Variants in TEK observed in about 807,000 individuals in gnomAD.
The protein encoded by TEK is angiopoietin-1 receptor.
A neutral mutation model predicts 131.8 loss-of-function variants in TEK; 43 were observed. The ratio of observed to expected loss-of-function variants is 0.33; its 90% CI spans 0.26 to 0.42. The LOEUF (loss-of-function observed/expected upper bound fraction) is 0.42. Among genes scored for constraint, TEK ranks in the 10% least tolerant of loss-of-function variants. The pLI, the probability that TEK is intolerant of heterozygous loss-of-function variation, is 1.00. For synonymous variants in TEK, 580 were observed against 491.6 expected (o/e 1.18, Z -2.38); for missense variants, 1,162 against 1,384.4 (o/e 0.84, Z 2.55).
At chr9:27,171,675 C>T (rs1461631997) in intron 4 of TEK, among the ~76,000 whole-genome samples, 1 of 152,120 alleles carries the variant, frequency 6.6e-6, no homozygotes, top group Non-Finnish European at 1.5e-5. Context: ...GACTACTGTG[C>T]TTGACTTCTA....
chr9:27,129,415 C>T (rs1433610053), intron 1 of TEK, among the ~76,000 whole-genome samples: 1 of 152,158 alleles, frequency 6.6e-6, no homozygotes, highest in Non-Finnish European at 1.5e-5. Flanking sequence ...TACTCTTTCT[C>T]TTCTCTTCCA....
rs549693908 is a variant in TEK, at chr9:27,118,423, C to T, written c.52+8781C>T. ...GCCAAAGCAAGCAGATTGCTTGAGC[C>T]AAGGAGTTCGAGACCATCCTGGGCA... On this transcript the variant is annotated intron_variant, in intron 1 of 22. Transcript: ENST00000380036. Among the ~76,000 whole-genome samples the T allele has an allele frequency of 5.9e-5, 9 of 152,108 alleles. No homozygotes were observed. In the South Asian group the frequency reaches 1.9e-3, roughly 32 times the overall value.
intron 1 of TEK, among the ~76,000 whole-genome samples, chr9:27,141,105 T>C (rs1216305800): frequency 1.3e-5 from 2 of 152,146 alleles, no homozygotes; most frequent in East Asian, 3.8e-4. Flanking sequence ...TCTGAAAGTA[T>C]TTGTCTTTCT....
chr9:27,212,838 C>G lies in TEK; in HGVS notation c.2818C>G (p.Gln940Glu). 1 of 1,614,174 alleles carries G rather than the reference C, an allele frequency of 6.2e-7. No homozygotes were observed. The highest frequency in any genetic ancestry group is 8.5e-7 in the Non-Finnish European group (1 of 1,180,010). ...CACCGCGTCCACACTGTCCTCCCAG[C>G]AGCTCCTTCACTTCGCTGCCGACGT... Reference protein sequence around the residue: ...NSTASTLSSQQLLHFAADVAR... With the variant: ...NSTASTLSSQELLHFAADVAR... Residue 940 changes from glutamine (Q) to glutamate (E), a missense_variant, in exon 17 of 23, where the codon CAG (glutamine) becomes GAG (glutamate). By Grantham distance (29) the Gln-to-Glu change is conservative. This residue lies in a region of TEK where 107 missense variants were observed against 173.9 expected (regional missense o/e 0.62). Coordinates refer to ENST00000380036, the MANE Select transcript of TEK (RefSeq NM_000459.5).
intron 18 of TEK, among the ~76,000 whole-genome samples, chr9:27,217,172 C>T (rs1314829969): frequency 5.3e-5 from 8 of 152,200 alleles, no homozygotes; most frequent in African/African-American, 1.9e-4. Context: ...ACACTGTTCC[C>T]CTTGTCCAGA....
At chr9:27,175,482 T>C (rs995236460) in intron 6 of TEK, among the ~76,000 whole-genome samples, 25 of 152,272 alleles carry the variant, frequency 1.6e-4, no homozygotes, top group African/African-American at 5.3e-4. Flanking sequence ...TCATGATTTA[T>C]AATCCTTTGG....
chr9:27,195,495 T>C (rs1824972370), intron 11 of TEK, among the ~76,000 whole-genome samples: 1 of 152,212 alleles, frequency 6.6e-6, no homozygotes, highest in South Asian at 2.1e-4. Flanking sequence ...TGTAGTAATC[T>C]GAAATTTTCT....
At chr9:27,138,815 A>T (rs142856673) in intron 1 of TEK, among the ~76,000 whole-genome samples, 3 of 152,160 alleles carry the variant, frequency 2.0e-5, no homozygotes, top group Non-Finnish European at 4.4e-5. Flanking sequence ...GGAATTGAGT[A>T]TGTGTGAATT....
chr9:27,224,263 G>A (rs1826214825), intron 21 of TEK, among the ~76,000 whole-genome samples: 1 of 152,108 alleles, frequency 6.6e-6, no homozygotes, highest in African/African-American at 2.4e-5. Flanking sequence ...CATTTTATGA[G>A]GTCAGCATCA....
At chr9:27,225,453 C>A (rs1014570829) in intron 21 of TEK, among the ~76,000 whole-genome samples, 1 of 152,032 alleles carries the variant, frequency 6.6e-6, no homozygotes, top group African/African-American at 2.4e-5. Flanking sequence ...ACAACCATCT[C>A]ATCTTTGACA....
chr9:27,162,826 C>G (rs907079045), intron 2 of TEK, among the ~76,000 whole-genome samples: 2 of 152,152 alleles, frequency 1.3e-5, no homozygotes, highest in Non-Finnish European at 1.5e-5. Context: ...AGTGATTCTC[C>G]TGCCTCAGCC....
chr9:27,190,958 T>C (rs1824795809), intron 10 of TEK, among the ~76,000 whole-genome samples: 1 of 152,152 alleles, frequency 6.6e-6, no homozygotes, highest in Non-Finnish European at 1.5e-5. Flanking sequence ...TTTTTGGATC[T>C]CCAGTCCTGT....
chr9:27,186,911 C>A (rs1292040007), intron 9 of TEK, among the ~76,000 whole-genome samples: 1 of 152,102 alleles, frequency 6.6e-6, no homozygotes, highest in Non-Finnish European at 1.5e-5. Flanking sequence ...TCCATATGAA[C>A]CACCTCAGAA....
chr9:27,114,391 T>A (rs1032288285), intron 1 of TEK, among the ~76,000 whole-genome samples: 1 of 152,046 alleles, frequency 6.6e-6, no homozygotes, highest in African/African-American at 2.4e-5. Context: ...ACCAACATGG[T>A]GAAACCTTGC....
At chr9:27,166,864 C>G (rs1379715122) in intron 2 of TEK, among the ~76,000 whole-genome samples, 1 of 152,146 alleles carries the variant, frequency 6.6e-6, no homozygotes, top group Non-Finnish European at 1.5e-5. Context: ...CCACCTTATC[C>G]TATCTTTTCC....
intron 21 of TEK, among the ~76,000 whole-genome samples, chr9:27,221,356 T>TC (rs1826070965): frequency 6.6e-6 from 1 of 152,178 alleles, no homozygotes; most frequent in Non-Finnish European, 1.5e-5. Flanking sequence ...TCAGCAGACT[T>TC]AAACGTTCCT....
At chr9:27,146,745 G>A (rs562459248) in intron 1 of TEK, among the ~76,000 whole-genome samples, 13 of 144,532 alleles carry the variant, frequency 9.0e-5, no homozygotes, top group African/African-American at 3.2e-4. Flanking sequence ...TTTTTTGGCG[G>A]GGGGGACGGA....
chr9:27,185,638 A>G lies in TEK; in HGVS notation c.1327+9A>G. ...CAACATTTCTGTTAAAGGTAAGTTCATTTCCCAGAAAAAGGGATTGTGTCC... is the reference window on the plus strand; with the variant it reads ...CAACATTTCTGTTAAAGGTAAGTTCGTTTCCCAGAAAAAGGGATTGTGTCC... On this transcript the variant is annotated intron_variant, in intron 9 of 22. Coordinates refer to ENST00000380036, the MANE Select transcript of TEK (RefSeq NM_000459.5). 1.9e-6 allele frequency: 3 copies of G among 1,613,510 alleles called. No individual in the cohort carries two copies. Among genetic ancestry groups the G allele is most frequent in the Non-Finnish European group, 2.5e-6 (3 of 1,179,650 alleles).
At chr9:27,166,692 T>C (rs1823742919) in intron 2 of TEK, among the ~76,000 whole-genome samples, 1 of 152,246 alleles carries the variant, frequency 6.6e-6, no homozygotes, top group African/African-American at 2.4e-5. Flanking sequence ...TATCCCTTTA[T>C]TCACAATCTT....
Sources: gnomAD v4.1 joint callset for allele counts (sites outside exome capture counted in the v4.1 genomes callset) on GRCh38, gnomAD v4.1.1 for gene constraint, gnomAD v4.1.1 regional missense constraint, MANE v1.5 for transcripts, NCBI Gene and HGNC (gene_info 2026-07-23, HGNC 2026-07-21) for gene names.